The following HS6ST3 variants were observed in gnomAD, a reference collection of about 807,000 sequenced individuals.
HS6ST3 encodes the protein heparan-sulfate 6-O-sulfotransferase 3.
A neutral mutation model predicts 36.7 loss-of-function variants in HS6ST3; 12 were observed. The ratio of observed to expected loss-of-function variants is 0.33; its 90% confidence interval spans 0.21 to 0.53. The LOEUF (loss-of-function observed/expected upper bound fraction) is 0.53, where lower values mean the gene tolerates loss of function less well. Among genes scored for constraint, HS6ST3 ranks in the 20% least tolerant of loss-of-function variants. The probability of loss-of-function intolerance (pLI) is 0.95; values close to 1 mark genes in which losing one functional copy is unlikely to be tolerated. For missense variants in HS6ST3, 584 were observed against 640.9 expected, an observed-to-expected ratio of 0.91 and a Z score of 0.96; for synonymous variants, 240 against 257.5, an observed-to-expected ratio of 0.93 and a Z score of 0.65.
At chr13:96,397,255 T>A (rs2055426835) in intron 1 of HS6ST3, among the ~76,000 whole-genome samples, 1 of 152,114 alleles carries the variant, frequency 6.6e-6, no homozygotes, top group Admixed American at 6.6e-5. Flanking sequence ...ATTAAATAAT[T>A]TACAATATAG....
intron 1 of HS6ST3, among the ~76,000 whole-genome samples, chr13:96,380,266 T>C (rs1457526925): frequency 1.7e-4 from 1 of 5,742 alleles, no homozygotes; most frequent in Non-Finnish European, 8.6e-4. Context: ...AGTTAGCACT[T>C]TTTTTTTTTT....
intron 1 of HS6ST3, among the ~76,000 whole-genome samples, chr13:96,188,244 A>G (rs758063256): frequency 6.6e-6 from 1 of 152,184 alleles, no homozygotes; most frequent in African/African-American, 2.4e-5. Context: ...ATAGTTTAGT[A>G]AGTATGATGT....
intron 1 of HS6ST3, among the ~76,000 whole-genome samples, chr13:96,151,917 G>A (rs2054086823): frequency 6.6e-6 from 1 of 152,154 alleles, no homozygotes; most frequent in Non-Finnish European, 1.5e-5. Context: ...AGTGGATTAA[G>A]GGCCTGCCCT....
At chr13:96,182,088 G>T (rs1304221688) in intron 1 of HS6ST3, among the ~76,000 whole-genome samples, 1 of 152,088 alleles carries the variant, frequency 6.6e-6, no homozygotes, top group Non-Finnish European at 1.5e-5. Context: ...GTAACTAGTT[G>T]GCAAAGGAAT....
intron 1 of HS6ST3, among the ~76,000 whole-genome samples, chr13:96,112,667 C>G (rs1351193143): frequency 7.2e-6 from 1 of 138,398 alleles, no homozygotes; most frequent in Non-Finnish European, 1.5e-5. Context: ...ACTCCGGAGG[C>G]TGAGGCAGAA....
At chr13:96,716,798 G>C (rs1875708058) in intron 1 of HS6ST3, among the ~76,000 whole-genome samples, 1 of 152,090 alleles carries the variant, frequency 6.6e-6, no homozygotes, top group South Asian at 2.1e-4. Flanking sequence ...ACTTTTAAAA[G>C]ATAGCATACA....
At chr13:96,195,116 A>G (rs1009131121) in intron 1 of HS6ST3, among the ~76,000 whole-genome samples, 5 of 152,226 alleles carry the variant, frequency 3.3e-5, no homozygotes, top group Admixed American at 6.5e-5. Context: ...CACTGTTACT[A>G]GTTCAAGATT....
chr13:96,125,381 T>C (rs941916783), intron 1 of HS6ST3, among the ~76,000 whole-genome samples: 1 of 152,200 alleles, frequency 6.6e-6, no homozygotes, highest in African/African-American at 2.4e-5. Flanking sequence ...GAGAAAACTT[T>C]TAACTGGCAC....
At chr13:96,404,729 G>A (rs2055468541) in intron 1 of HS6ST3, among the ~76,000 whole-genome samples, 1 of 152,200 alleles carries the variant, frequency 6.6e-6, no homozygotes, top group African/African-American at 2.4e-5. Context: ...GGACAGTGGT[G>A]AGCTGGGGGA....
intron 1 of HS6ST3, among the ~76,000 whole-genome samples, chr13:96,674,815 C>A (rs1465955373): frequency 2.6e-5 from 4 of 152,130 alleles, no homozygotes; most frequent in African/African-American, 9.6e-5. Flanking sequence ...ACTTATGTTT[C>A]AGCTCTGATT....
At chr13:96,654,410 T>G (rs142771118) in intron 1 of HS6ST3, among the ~76,000 whole-genome samples, 94 of 152,286 alleles carry the variant, frequency 6.2e-4, no homozygotes, top group African/African-American at 2.1e-3. Flanking sequence ...GGGGTCCAGT[T>G]TCTGTTTTCT....
chr13:96,479,883 T>C (rs2055882038), intron 1 of HS6ST3, among the ~76,000 whole-genome samples: 1 of 152,130 alleles, frequency 6.6e-6, no homozygotes, highest in Admixed American at 6.6e-5. Context: ...GCAAACACCA[T>C]GACAGTGAGA....
At chr13:96,212,479 A>G (rs767659299) in intron 1 of HS6ST3, among the ~76,000 whole-genome samples, 3 of 152,076 alleles carry the variant, frequency 2.0e-5, no homozygotes, top group Non-Finnish European at 4.4e-5. Flanking sequence ...TCTTGCATGT[A>G]TGTGTTCAAA....
At chr13:96,094,275 A>T (rs954387110) in intron 1 of HS6ST3, among the ~76,000 whole-genome samples, 6 of 152,334 alleles carry the variant, frequency 3.9e-5, no homozygotes, top group Non-Finnish European at 4.4e-5. Context: ...ATATATGCGT[A>T]GTATAATATA....
intron 1 of HS6ST3, among the ~76,000 whole-genome samples, chr13:96,351,537 C>T (rs2055184388): frequency 6.6e-6 from 1 of 152,030 alleles, no homozygotes; most frequent in Non-Finnish European, 1.5e-5. Flanking sequence ...CTCTTGAATT[C>T]CTGGGGTCAA....
At chr13:96,334,776 A>C (rs2055091729) in intron 1 of HS6ST3, among the ~76,000 whole-genome samples, 1 of 152,134 alleles carries the variant, frequency 6.6e-6, no homozygotes, top group Non-Finnish European at 1.5e-5. Context: ...CTCCCACAAC[A>C]CTTGAGAATT....
intron 1 of HS6ST3, among the ~76,000 whole-genome samples, chr13:96,309,524 T>C (rs1448667508): frequency 6.6e-6 from 1 of 152,170 alleles, no homozygotes; most frequent in Non-Finnish European, 1.5e-5. Flanking sequence ...TATAGTCTGC[T>C]GGGGCTCCAT....
At chr13:96,347,364 C>T (rs1288215196) in intron 1 of HS6ST3, among the ~76,000 whole-genome samples, 1 of 152,148 alleles carries the variant, frequency 6.6e-6, no homozygotes. Flanking sequence ...ACTTTTATGC[C>T]TCATTCTGGT....
intron 1 of HS6ST3, among the ~76,000 whole-genome samples, chr13:96,813,254 T>G (rs1382642793): frequency 1.3e-5 from 2 of 152,018 alleles, no homozygotes; most frequent in Non-Finnish European, 2.9e-5. Flanking sequence ...AGAAAAATAG[T>G]CTGGTATAAA....
Sources: gnomAD v4.1 joint callset for allele counts (sites outside exome capture counted in the v4.1 genomes callset) on GRCh38, gnomAD v4.1.1 for gene constraint, MANE v1.5 for transcripts, NCBI Gene and HGNC (gene_info 2026-07-23, HGNC 2026-07-21) for gene names.